Variants in MARK3 observed in about 807,000 individuals in gnomAD.
MARK3 encodes microtubule affinity regulating kinase 3.
Under a neutral mutation model 90.1 loss-of-function variants are expected in MARK3, and 46 were observed. The ratio of observed to expected loss-of-function variants is 0.51; its 90% CI spans 0.40 to 0.65. MARK3 has a LOEUF of 0.65. Ranked by LOEUF, MARK3 falls within the 30% of genes least tolerant of loss-of-function variation. MARK3 has a pLI of 0.00. For synonymous variants in MARK3, 321 were observed against 332.6 expected (o/e 0.97, Z 0.38); for missense variants, 818 against 947.2 (o/e 0.86, Z 1.79).
At chr14:103,431,390 C>T (rs1365635355) in intron 3 of MARK3, among the ~76,000 whole-genome samples, 3 of 152,088 alleles carry the variant, frequency 2.0e-5, no homozygotes. Context: ...GCCACCATGC[C>T]CAGGCCAAGG....
chr14:103,488,537 G>A (rs1462411991), intron 14 of MARK3, among the ~76,000 whole-genome samples: 2 of 151,964 alleles, frequency 1.3e-5, no homozygotes, highest in Non-Finnish European at 2.9e-5. Flanking sequence ...CCAAGTCAGA[G>A]AGCAGAATTC....
At chr14:103,392,902 C>T (rs1039268720) in intron 1 of MARK3, among the ~76,000 whole-genome samples, 11 of 151,820 alleles carry the variant, frequency 7.2e-5, no homozygotes, top group East Asian at 3.9e-4. Flanking sequence ...CTCCGCCTCC[C>T]GGGTTCAAGC....
chr14:103,481,591 T>C (rs990452132), intron 14 of MARK3, among the ~76,000 whole-genome samples: 1 of 151,924 alleles, frequency 6.6e-6, no homozygotes, highest in East Asian at 1.9e-4. Flanking sequence ...TGGTTATTAT[T>C]CGTTGAATTT....
At chr14:103,443,769 T>G (rs1487043406) in intron 3 of MARK3, among the ~76,000 whole-genome samples, 3 of 152,212 alleles carry the variant, frequency 2.0e-5, no homozygotes, top group Non-Finnish European at 4.4e-5. Flanking sequence ...GCAAATTTTT[T>G]TTTCCTTTTT....
intron 7 of MARK3, among the ~76,000 whole-genome samples, chr14:103,462,884 C>T (rs950012615): frequency 1.3e-5 from 2 of 152,138 alleles, no homozygotes; most frequent in South Asian, 2.1e-4. Flanking sequence ...GATGAGGTTT[C>T]GTATCGCACA....
intron 2 of MARK3, among the ~76,000 whole-genome samples, chr14:103,405,664 G>A (rs1268075168): frequency 3.3e-5 from 5 of 151,354 alleles, no homozygotes; most frequent in African/African-American, 4.9e-5. Flanking sequence ...TGTATTACAT[G>A]TATTACATGT....
chr14:103,414,447 C>T (rs1797188693), intron 2 of MARK3, among the ~76,000 whole-genome samples: 3 of 152,112 alleles, frequency 2.0e-5, no homozygotes, highest in African/African-American at 7.2e-5. Flanking sequence ...TCAGATGATC[C>T]GCCCGCCTTG....
rs773194982 is a variant in MARK3, at chr14:103,452,011, T to G, written c.412+28T>G. ...AAGAACATTTTTATATATATTGGGTTTTTTTTCTTTCTCCCTTTTAAAAAA... is the reference window on the plus strand; with the variant it reads ...AAGAACATTTTTATATATATTGGGTGTTTTTTCTTTCTCCCTTTTAAAAAA... On this transcript the variant is annotated intron_variant, in intron 5 of 17. Coordinates refer to ENST00000429436, the MANE Select transcript of MARK3 (RefSeq NM_001128918.3). 23 of 1,494,110 alleles carry G rather than the reference T, an allele frequency of 1.5e-5. No homozygotes were observed. In the Admixed American group the frequency reaches 3.9e-4, roughly 25 times the overall value. 92.6% of individuals were successfully genotyped at this position (1,494,110 alleles called of 1,614,324 possible).
chr14:103,482,189 A>G (rs2093837524), intron 14 of MARK3, among the ~76,000 whole-genome samples: 1 of 152,034 alleles, frequency 6.6e-6, no homozygotes, highest in Non-Finnish European at 1.5e-5. Context: ...CTTAATTAGA[A>G]GTTTCTGGTG....
intron 1 of MARK3, among the ~76,000 whole-genome samples, chr14:103,397,581 T>A (rs1342059936): frequency 6.6e-6 from 1 of 152,144 alleles, no homozygotes; most frequent in Non-Finnish European, 1.5e-5. Flanking sequence ...TGCCTCAGCC[T>A]CCTAAAGTGC....
chr14:103,443,512 G>A (rs535866574), intron 3 of MARK3, among the ~76,000 whole-genome samples: 49 of 152,244 alleles, frequency 3.2e-4, no homozygotes, highest in East Asian at 1.9e-4. Flanking sequence ...TGATGGTAAC[G>A]GAATTAAAAA....
At position 103,410,830 on chromosome 14, in the gene MARK3, A is replaced by G. The variant is rs935813561; in HGVS notation, c.243+5563A>G. On this transcript the variant is annotated intron_variant, in intron 2 of 17. Coordinates refer to ENST00000429436, the MANE Select transcript of MARK3 (RefSeq NM_001128918.3). ...GTGTCTGTTAATGTAGGTTATGAAT[A>G]TCTTTCCCTAGATTACTCCTTTTAA... Among the ~76,000 whole-genome samples, 4 of 152,104 alleles carry G rather than the reference A, an allele frequency of 2.6e-5. No individual in the cohort carries two copies. In the South Asian group the frequency reaches 8.3e-4, roughly 31 times the overall value.
At chr14:103,446,455 G>A (rs2092996233) in intron 3 of MARK3, among the ~76,000 whole-genome samples, 1 of 152,202 alleles carries the variant, frequency 6.6e-6, no homozygotes, top group African/African-American at 2.4e-5. Flanking sequence ...CTGGGAGGCG[G>A]AGGTTGCAGT....
chr14:103,492,401 A>G (rs1164644558), intron 15 of MARK3, among the ~76,000 whole-genome samples: 1 of 152,122 alleles, frequency 6.6e-6, no homozygotes, highest in Non-Finnish European at 1.5e-5. Context: ...AGGAAAGACC[A>G]TGCATGTCTT....
chr14:103,493,967 C>T (rs1335919177), intron 15 of MARK3, among the ~76,000 whole-genome samples: 2 of 148,394 alleles, frequency 1.3e-5, no homozygotes, highest in African/African-American at 5.0e-5. Flanking sequence ...GGCCGGATGG[C>T]TCATGCCTGT....
At chr14:103,398,653 A>G (rs2090743096) in intron 1 of MARK3, among the ~76,000 whole-genome samples, 1 of 152,186 alleles carries the variant, frequency 6.6e-6, no homozygotes, top group Non-Finnish European at 1.5e-5. Flanking sequence ...GATTACAAGC[A>G]TGAGTCACCA....
chr14:103,493,282 A>C (rs1308548987), intron 15 of MARK3, among the ~76,000 whole-genome samples: 1 of 104,962 alleles, frequency 9.5e-6, no homozygotes, highest in Admixed American at 1.5e-4. Flanking sequence ...TTTGAGACGG[A>C]GTCTCACTGT....
At chr14:103,420,054 A>T (rs1314302530) in intron 2 of MARK3, among the ~76,000 whole-genome samples, 1 of 152,160 alleles carries the variant, frequency 6.6e-6, no homozygotes, top group Non-Finnish European at 1.5e-5. Flanking sequence ...TTGGTGTAAG[A>T]TATAATTTAT....
intron 2 of MARK3, among the ~76,000 whole-genome samples, chr14:103,422,956 A>G (rs955012006): frequency 6.6e-6 from 1 of 152,180 alleles, no homozygotes; most frequent in Non-Finnish European, 1.5e-5. Context: ...AAGTCGTAGT[A>G]TGAATCCTGA....
Sources: gnomAD v4.1 joint callset for allele counts (sites outside exome capture counted in the v4.1 genomes callset) on GRCh38, gnomAD v4.1.1 for gene constraint, MANE v1.5 for transcripts, NCBI Gene and HGNC (gene_info 2026-07-23, HGNC 2026-07-21) for gene names.